The following C1orf52 variants were observed in gnomAD, a reference collection of about 807,000 sequenced individuals.
The protein encoded by C1orf52 is chromosome 1 open reading frame 52.
In C1orf52, 5 loss-of-function variants were observed where a neutral mutation model predicts 17.2. The ratio of observed to expected loss-of-function variants is 0.29; its 90% confidence interval spans 0.15 to 0.61. The LOEUF (loss-of-function observed/expected upper bound fraction) is 0.61, where lower values mean the gene tolerates loss of function less well. Ranked by LOEUF, C1orf52 falls within the 20% of genes least tolerant of loss-of-function variation. The pLI is 0.85. For synonymous variants in C1orf52, 110 were observed against 88.0 expected (o/e 1.25, Z -1.40); for missense variants, 245 against 234.1 (o/e 1.05, Z -0.30).
chr1:85,257,079 A>T (rs1372859573), intron 2 of C1orf52, among the ~76,000 whole-genome samples: 1 of 152,234 alleles, frequency 6.6e-6, no homozygotes, highest in Non-Finnish European at 1.5e-5. Flanking sequence ...TATTGTGGGA[A>T]GATCAGAAAT....
intron 2 of C1orf52, among the ~76,000 whole-genome samples, chr1:85,257,628 AGATTG>A (rs1659976942): frequency 1.3e-5 from 2 of 152,378 alleles, no homozygotes; most frequent in African/African-American, 4.8e-5. Flanking sequence ...AGGATGGTAC[AGATTG>A]GATAAGAATG....
intron 2 of C1orf52, among the ~76,000 whole-genome samples, chr1:85,258,206 T>G (rs1411186996): frequency 6.6e-6 from 1 of 152,002 alleles, no homozygotes; most frequent in Non-Finnish European, 1.5e-5. Context: ...CAAGAAACCA[T>G]GAATTGATTT....
intron 2 of C1orf52, among the ~76,000 whole-genome samples, chr1:85,258,312 T>C (rs1267661181): frequency 6.6e-6 from 1 of 152,196 alleles, no homozygotes; most frequent in Non-Finnish European, 1.5e-5. Context: ...TTCACTAAAA[T>C]ACAGCAACTA....
intron 2 of C1orf52, among the ~76,000 whole-genome samples, chr1:85,254,395 C>CTTT (rs71585148): frequency 6.9e-6 from 1 of 145,956 alleles, no homozygotes; most frequent in Non-Finnish European, 1.5e-5. Flanking sequence ...AAACGTTTTG[C>CTTT]TTTTTTTTTT....
intron 1 of C1orf52, chr1:85,259,093 G>T: frequency 7.3e-7 from 1 of 1,365,942 alleles, no homozygotes; most frequent in Non-Finnish European, 9.5e-7. Flanking sequence ...AGTCACCACT[G>T]TTAGTCCTCG....
intron 2 of C1orf52, chr1:85,257,397 A>G (rs1435429844): frequency 1.4e-6 from 1 of 696,036 alleles, no homozygotes; most frequent in Admixed American, 2.3e-5. Context: ...AAAGAACACT[A>G]AAGAATAAGG....
intron 2 of C1orf52, among the ~76,000 whole-genome samples, chr1:85,253,361 G>T (rs1659849168): frequency 2.0e-5 from 3 of 151,894 alleles, no homozygotes; most frequent in Admixed American, 1.3e-4. Context: ...CTTTCAATCT[G>T]CTTTCTCTCC....
intron 2 of C1orf52, chr1:85,257,336 T>G: frequency 1.6e-6 from 1 of 641,498 alleles, no homozygotes; most frequent in Non-Finnish European, 2.8e-6. Flanking sequence ...TGAGATTTCT[T>G]CTTTTGATTT....
rs1427368223 is a variant in C1orf52 at position 85,251,299 on chromosome 1, C to T, written c.*1330G>A. 3 of 152,220 alleles carry T rather than the reference C, an allele frequency of 2.0e-5. No individual in the cohort carries two copies. Among genetic ancestry groups the T allele is most frequent in the African/African-American group, 7.2e-5 (3 of 41,454 alleles). The allele number at this position is 152,220 out of a possible 1,614,324, so 9.4% of individuals were successfully genotyped here. A position where few individuals can be genotyped will look rare whatever the true frequency, so the allele number is the denominator to read the frequency against. ...CTCTTGGCCTCAAGCTATCCTCCCA[C>T]CTTGGCCTCCCAAAGTGCTGGGATT... On this transcript the variant is annotated 3_prime_UTR_variant, in exon 3 of 3. Transcript: ENST00000471115.
At position 85,250,109 on chromosome 1, in the gene C1orf52, ACCATCAGATCTCGTAAGACTC is replaced by A. The variant is rs1266725717; in HGVS notation, c.*2499_*2519del. 2 of 152,086 alleles carry A rather than the reference ACCATCAGATCTCGTAAGACTC, an allele frequency of 1.3e-5. No homozygotes were observed. Among genetic ancestry groups the A allele is most frequent in the Admixed American group, 1.3e-4 (2 of 15,252 alleles). 9.4% of individuals were successfully genotyped at this position (152,086 alleles called of 1,614,324 possible). A position where few individuals can be genotyped will look rare whatever the true frequency, so the allele number is the denominator to read the frequency against. ...ACTCCCTGCACTGATGGTTTTTAAA[ACCATCAGATCTCGTAAGACTC>A]ATTCACTATCATAAGAACAGCACCG... On this transcript the variant is annotated 3_prime_UTR_variant, in exon 3 of 3. Coordinates refer to ENST00000471115, the MANE Select transcript of C1orf52 (RefSeq NM_198077.4).
intron 1 of C1orf52, chr1:85,259,023 G>A (rs1435030166): frequency 8.2e-6 from 11 of 1,345,612 alleles, no homozygotes; most frequent in South Asian, 1.7e-5. Context: ...CAGCACCGCA[G>A]GCACTTCGGC....
chr1:85,250,859 G>A lies in C1orf52; in HGVS notation c.*1770C>T, dbSNP rs944629416. On this transcript the variant is annotated 3_prime_UTR_variant, in exon 3 of 3. Coordinates refer to ENST00000471115, the MANE Select transcript of C1orf52 (RefSeq NM_198077.4). ...CTTTGTCACTTGATGCCACTCCTTA[G>A]TATATGATACCACAGATTTCCAAAT... 6.6e-6 allele frequency: 1 copy of A among 152,168 alleles called. No homozygotes were observed. Among genetic ancestry groups the A allele is most frequent in the Non-Finnish European group, 1.5e-5 (1 of 68,032 alleles). 9.4% of individuals were successfully genotyped at this position (152,168 alleles called of 1,614,324 possible). A position where few individuals can be genotyped will look rare whatever the true frequency, so the allele number is the denominator to read the frequency against.
rs1036761942 is a variant in C1orf52 at position 85,259,075 on chromosome 1, G to T, written c.276+283C>A. 1.0e-5 allele frequency: 14 copies of T among 1,349,462 alleles called. No individual in the cohort carries two copies. In the South Asian group the frequency reaches 1.8e-4, roughly 18 times the overall value. The allele number at this position is 1,349,462 out of a possible 1,614,324, so 83.6% of individuals were successfully genotyped here. ...CTCAGGGAGAAGCTGCAGCGGGGGGGGCGGGGGAGTCACCACTGTTAGTCC... is the reference window on the plus strand; with the variant it reads ...CTCAGGGAGAAGCTGCAGCGGGGGGTGCGGGGGAGTCACCACTGTTAGTCC... On this transcript the variant is annotated intron_variant, in intron 1 of 2. Transcript: ENST00000471115.
chr1:85,258,244 C>T (rs866248297), intron 2 of C1orf52, among the ~76,000 whole-genome samples: 1 of 152,156 alleles, frequency 6.6e-6, no homozygotes, highest in South Asian at 2.1e-4. Flanking sequence ...CATCATAAAT[C>T]TGACCACTGG....
intron 1 of C1orf52, 124 bp downstream of exon 1, chr1:85,259,234 T>A: frequency 9.3e-7 from 1 of 1,069,794 alleles, no homozygotes; most frequent in Non-Finnish European, 1.3e-6. Context: ...TGGGAGGGGG[T>A]GGTGCGGCAT....
At position 85,259,644 on chromosome 1, in the gene C1orf52, A is replaced by G; in HGVS notation, c.-11T>C. On this transcript the variant is annotated 5_prime_UTR_variant, in exon 1 of 3. Coordinates refer to ENST00000471115, the MANE Select transcript of C1orf52 (RefSeq NM_198077.4). ...CTCCTCCGCTGCCATGACGGCTGCG[A>G]GCGACAACCCAGCACTCCGCCGGAA... The G allele has an allele frequency of 6.5e-7, 1 of 1,534,060 alleles. No individual in the cohort carries two copies. Among genetic ancestry groups the G allele is most frequent in the Non-Finnish European group, 8.8e-7 (1 of 1,137,806 alleles).
At position 85,252,557 on chromosome 1, in the gene C1orf52, C is replaced by T. The variant is rs928619843; in HGVS notation, c.*72G>A. 1 of 1,273,590 alleles carries T rather than the reference C, an allele frequency of 7.9e-7. No individual in the cohort carries two copies. Among genetic ancestry groups the T allele is most frequent in the Non-Finnish European group, 1.1e-6 (1 of 881,898 alleles). The allele number at this position is 1,273,590 out of a possible 1,614,324, so 78.9% of individuals were successfully genotyped here. A position where few individuals can be genotyped will look rare whatever the true frequency, so the allele number is the denominator to read the frequency against. On this transcript the variant is annotated 3_prime_UTR_variant, in exon 3 of 3. Coordinates refer to ENST00000471115, the MANE Select transcript of C1orf52 (RefSeq NM_198077.4). ...CATGGAGATGTGGCATAATAACCCA[C>T]AATATCAACTTAATCTGTCCAAAGA...
At position 85,253,797 on chromosome 1, in the gene C1orf52, G is replaced by A. The variant is rs963601235; in HGVS notation, c.476-1095C>T. Among the ~76,000 whole-genome samples the A allele has an allele frequency of 4.6e-5, 7 of 152,108 alleles. No homozygotes were observed. In the South Asian group the frequency reaches 1.5e-3, roughly 32 times the overall value. On this transcript the variant is annotated intron_variant, in intron 2 of 2. Transcript: ENST00000471115. ...TAAAAAAAAAATACAGGGTAGCACA[G>A]ACTAGTTGCTAATTCCATCTCCCTA...
intron 1 of C1orf52, 186 bp downstream of exon 1, chr1:85,259,172 G>C (rs895820169): frequency 3.2e-5 from 36 of 1,133,524 alleles, no homozygotes; most frequent in Non-Finnish European, 4.1e-5. Context: ...TGCGGGTCCG[G>C]TCTAACACCC....
Sources: gnomAD v4.1 joint callset for allele counts (sites outside exome capture counted in the v4.1 genomes callset) on GRCh38, gnomAD v4.1.1 for gene constraint, MANE v1.5 for transcripts, NCBI Gene and HGNC (gene_info 2026-07-23, HGNC 2026-07-21) for gene names.